The following KSR2 variants were observed in gnomAD, a reference collection of about 807,000 sequenced individuals.
The protein encoded by KSR2 is kinase suppressor of ras 2.
KSR2 carries 25 observed loss-of-function variants against 107.8 expected under a neutral mutation model. The ratio of observed to expected loss-of-function variants is 0.23; its 90% confidence interval spans 0.17 to 0.32. The LOEUF (loss-of-function observed/expected upper bound fraction) is 0.32. KSR2 is among the 10% of genes least tolerant of loss of function. The pLI, the probability that KSR2 is intolerant of heterozygous loss-of-function variation, is 1.00. For synonymous variants in KSR2, 480 were observed against 507.0 expected, an observed-to-expected ratio of 0.95 and a Z score of 0.71; for missense variants, 887 against 1,268.9, an observed-to-expected ratio of 0.70 and a Z score of 4.57.
chr12:117,904,909 C>T (rs1055420806), intron 1 of KSR2, among the ~76,000 whole-genome samples: 2 of 152,170 alleles, frequency 1.3e-5, no homozygotes, highest in African/African-American at 2.4e-5. Flanking sequence ...TGGCCGGGCA[C>T]GGTGGCTCAC....
At chr12:117,716,068 A>G (rs917851022) in intron 4 of KSR2, among the ~76,000 whole-genome samples, 9 of 152,272 alleles carry the variant, frequency 5.9e-5, no homozygotes, top group Admixed American at 3.3e-4. Flanking sequence ...ATAAGTCTCA[A>G]TCTCAGCACC....
At chr12:117,714,539 T>G (rs1300875800) in intron 4 of KSR2, among the ~76,000 whole-genome samples, 1 of 152,276 alleles carries the variant, frequency 6.6e-6, no homozygotes, top group Admixed American at 6.5e-5. Flanking sequence ...CATTTCATCT[T>G]TACCACAACC....
At chr12:117,706,215 T>C (rs1380785708) in intron 4 of KSR2, among the ~76,000 whole-genome samples, 1 of 151,790 alleles carries the variant, frequency 6.6e-6, no homozygotes, top group Non-Finnish European at 1.5e-5. Context: ...AGATAATTTT[T>C]GTATTTTTAG....
At chr12:117,846,301 T>C (rs1216813205) in intron 3 of KSR2, among the ~76,000 whole-genome samples, 1 of 151,092 alleles carries the variant, frequency 6.6e-6, no homozygotes, top group African/African-American at 2.4e-5. Context: ...GATTTTTTTT[T>C]TTTTTTTTTT....
chr12:117,930,885 G>T (rs571027659), intron 1 of KSR2, among the ~76,000 whole-genome samples: 1 of 152,272 alleles, frequency 6.6e-6, no homozygotes, highest in East Asian at 1.9e-4. Context: ...CCGCACTCCA[G>T]CCTGGGCAAC....
At chr12:117,836,972 G>A (rs1188111289) in intron 3 of KSR2, among the ~76,000 whole-genome samples, 4 of 152,182 alleles carry the variant, frequency 2.6e-5, no homozygotes, top group African/African-American at 9.7e-5. Flanking sequence ...GTTATTATTT[G>A]GAGGCTGCAT....
In KSR2 at chr12:117,761,150, T is replaced by G. The variant is rs1484440762; in HGVS notation, c.847A>C (p.Asn283His). The G allele has an allele frequency of 3.1e-6, 5 of 1,609,336 alleles. No homozygotes were observed. The Admixed American group carries it at 5.0e-5, about 16-fold the overall frequency. Residue 283 changes from asparagine to histidine, a missense_variant, in exon 4 of 20, where the codon AAC (asparagine) becomes CAC (histidine). This residue lies in a region of KSR2 where 399 missense variants were observed against 479.5 expected (regional missense o/e 0.83). Transcript: ENST00000339824. The stretch of plus-strand genomic sequence containing the variant: ...GGGGTCCCCGGGGGCTTCAGCTTGT[T>G]CTTCTTCCTCATGGGCGGCGTGCCC... ...PPGTPPMRKK[N>H]KLKPPGTPPP...
At chr12:117,958,604 T>G (rs1896577957) in intron 1 of KSR2, among the ~76,000 whole-genome samples, 1 of 152,172 alleles carries the variant, frequency 6.6e-6, no homozygotes, top group African/African-American at 2.4e-5. Flanking sequence ...GCAGATCACT[T>G]GAGATGAGGA....
At chr12:117,516,041 C>T (rs1874356034) in intron 14 of KSR2, among the ~76,000 whole-genome samples, 1 of 152,154 alleles carries the variant, frequency 6.6e-6, no homozygotes. Context: ...TTGCCTCTAC[C>T]ATCCAGCCAC....
chr12:117,708,179 C>T (rs544935868), intron 4 of KSR2, among the ~76,000 whole-genome samples: 5 of 152,276 alleles, frequency 3.3e-5, no homozygotes, highest in South Asian at 4.2e-4. Flanking sequence ...TAGGAGACAG[C>T]GGATCCATGG....
chr12:117,530,700 A>G (rs778197482), intron 12 of KSR2, among the ~76,000 whole-genome samples: 20 of 152,208 alleles, frequency 1.3e-4, no homozygotes, highest in Non-Finnish European at 2.6e-4. Flanking sequence ...CAGAGACACA[A>G]GGCATAGCTG....
rs183253906 is a variant in KSR2 at position 117,646,921 on chromosome 12, C to A, written c.1171+20553G>T. On this transcript the variant is annotated intron_variant, in intron 5 of 19. Coordinates refer to ENST00000339824, the MANE Select transcript of KSR2 (RefSeq NM_173598.6). Reference sequence around the variant, plus strand: ...AGAAGGGCTGCCAGTGTTCATGAGGCTGTGAAGGGTGGATGATTACAGCCA... The same window carrying A: ...AGAAGGGCTGCCAGTGTTCATGAGGATGTGAAGGGTGGATGATTACAGCCA... Among the ~76,000 whole-genome samples the A allele has an allele frequency of 3.3e-3, 500 of 152,164 alleles. 1 individual carries two copies. Among genetic ancestry groups the A allele is most frequent in the Admixed American group, 7.1e-3 (109 of 15,286 alleles).
At chr12:117,631,741 G>A (rs998809326) in intron 5 of KSR2, among the ~76,000 whole-genome samples, 1 of 151,964 alleles carries the variant, frequency 6.6e-6, no homozygotes, top group Non-Finnish European at 1.5e-5. Context: ...GTGACTTGAG[G>A]GTAAAGCAGG....
At chr12:117,799,312 G>A (rs1890746243) in intron 3 of KSR2, among the ~76,000 whole-genome samples, 1 of 152,122 alleles carries the variant, frequency 6.6e-6, no homozygotes, top group African/African-American at 2.4e-5. Flanking sequence ...GATCAGCCCG[G>A]CCAACATGGT....
At chr12:117,893,907 CTTTTTT>C (rs56095185) in intron 1 of KSR2, among the ~76,000 whole-genome samples, 3 of 129,328 alleles carry the variant, frequency 2.3e-5, no homozygotes, top group Admixed American at 7.8e-5. Flanking sequence ...GAACAAAATT[CTTTTTT>C]TTTTTTTTTT....
intron 3 of KSR2, among the ~76,000 whole-genome samples, chr12:117,854,896 A>G (rs1384274661): frequency 1.3e-5 from 2 of 152,146 alleles, no homozygotes; most frequent in Admixed American, 6.5e-5. Flanking sequence ...AATTTAAGCA[A>G]TATGTGTGGA....
At chr12:117,754,620 AGAGT>A (rs1888724418) in intron 4 of KSR2, among the ~76,000 whole-genome samples, 1 of 149,610 alleles carries the variant, frequency 6.7e-6, no homozygotes, top group African/African-American at 2.5e-5. Flanking sequence ...CCTGGACAAC[AGAGT>A]GAGGCTCCAT....
chr12:117,947,229 G>GA (rs1438618134), intron 1 of KSR2, among the ~76,000 whole-genome samples: 2 of 115,956 alleles, frequency 1.7e-5, no homozygotes, highest in African/African-American at 3.8e-5. Flanking sequence ...AAGAAAGAAA[G>GA]AAAGAAAGAA....
At chr12:117,728,700 C>T (rs1887545513) in intron 4 of KSR2, among the ~76,000 whole-genome samples, 1 of 152,256 alleles carries the variant, frequency 6.6e-6, no homozygotes, top group Non-Finnish European at 1.5e-5. Flanking sequence ...CTGCACTAAG[C>T]TCTCATCTCA....
Sources: gnomAD v4.1 joint callset for allele counts (sites outside exome capture counted in the v4.1 genomes callset) on GRCh38, gnomAD v4.1.1 for gene constraint, gnomAD v4.1.1 regional missense constraint, MANE v1.5 for transcripts, NCBI Gene and HGNC (gene_info 2026-07-23, HGNC 2026-07-21) for gene names.